The following RCOR1 variants were observed in gnomAD, a reference collection of about 807,000 sequenced individuals.
The protein encoded by RCOR1 is REST corepressor 1.
In RCOR1, 12 loss-of-function variants were observed where a neutral mutation model predicts 64.0. The ratio of observed to expected loss-of-function variants is 0.19; its 90% CI spans 0.12 to 0.30. The LOEUF is 0.30. Among genes scored for constraint, RCOR1 ranks in the 10% least tolerant of loss-of-function variants. The pLI, the probability that RCOR1 is intolerant of heterozygous loss-of-function variation, is 1.00. For synonymous variants in RCOR1, 279 were observed against 227.2 expected (o/e 1.23, Z -2.05); for missense variants, 502 against 621.2 (o/e 0.81, Z 2.04).
chr14:102,676,829 C>T (rs1408627210), intron 2 of RCOR1, among the ~76,000 whole-genome samples: 3 of 92,902 alleles, frequency 3.2e-5, no homozygotes, highest in African/African-American at 1.1e-4. Context: ...CCTCACCTCC[C>T]GGACGGGGCG....
In RCOR1 at chr14:102,698,849, A is replaced by G. The variant is rs141620821; in HGVS notation, c.446-2429A>G. Among the ~76,000 whole-genome samples, 774 of 152,150 alleles carry G rather than the reference A, an allele frequency of 5.1e-3. 18 individuals carry two copies. Among genetic ancestry groups the G allele is most frequent in the Admixed American group, 0.044 (669 of 15,280 alleles). On this transcript the variant is annotated intron_variant, in intron 3 of 11. Transcript: ENST00000262241. ...CTGACATTTTTTAGAATCTGAGAGCACTTTTATTTGGCATAATCTAATGTA... is the reference window on the plus strand; with the variant it reads ...CTGACATTTTTTAGAATCTGAGAGCGCTTTTATTTGGCATAATCTAATGTA...
intron 2 of RCOR1, among the ~76,000 whole-genome samples, chr14:102,664,198 T>A (rs1156875878): frequency 6.6e-6 from 1 of 152,164 alleles, no homozygotes; most frequent in Non-Finnish European, 1.5e-5. Context: ...CTCCGCCTCC[T>A]GGGTTCAAGT....
At chr14:102,662,149 A>G (rs1460363514) in intron 2 of RCOR1, 1 of 378,202 alleles carries the variant, frequency 2.6e-6, no homozygotes, top group East Asian at 6.7e-5. Context: ...TTCCCAAGTC[A>G]TTAAATGTAC....
In RCOR1 at chr14:102,728,133, A is replaced by G. The variant is rs1483119423; in HGVS notation, c.*1627A>G. On this transcript the variant is annotated 3_prime_UTR_variant, in exon 12 of 12. Transcript: ENST00000262241. ...AAGTCAGCTGATTTTCTCTTTAGAA[A>G]GAGGGTCAGCTAGAAACCTAGGTTT... 1 of 152,372 alleles carries G rather than the reference A, an allele frequency of 6.6e-6. No individual in the cohort carries two copies. Among genetic ancestry groups the G allele is most frequent in the Non-Finnish European group, 1.5e-5 (1 of 68,048 alleles). The allele number at this position is 152,372 out of a possible 1,614,324, so 9.4% of individuals were successfully genotyped here. A position where few individuals can be genotyped will look rare whatever the true frequency, so the allele number is the denominator to read the frequency against.
chr14:102,631,369 AT>A (rs34740338), intron 2 of RCOR1, among the ~76,000 whole-genome samples: 224 of 143,600 alleles, frequency 1.6e-3, no homozygotes, highest in Middle Eastern at 3.6e-3. Flanking sequence ...TGCCCAGCTA[AT>A]TTTTTTTTTT....
chr14:102,615,740 C>A (rs148131582), intron 2 of RCOR1, among the ~76,000 whole-genome samples: 3 of 152,124 alleles, frequency 2.0e-5, no homozygotes. Flanking sequence ...TGAGCCACCA[C>A]GCCTGGCCAT....
intron 2 of RCOR1, among the ~76,000 whole-genome samples, chr14:102,665,330 TAAA>T (rs1567428160): frequency 4.2e-5 from 6 of 142,014 alleles, no homozygotes; most frequent in African/African-American, 1.8e-4. Context: ...TTTTTTTTTT[TAAA>T]TAAAATAGGC....
chr14:102,720,524 G>T (rs1896152294), intron 8 of RCOR1, among the ~76,000 whole-genome samples: 1 of 152,208 alleles, frequency 6.6e-6, no homozygotes, highest in Admixed American at 6.5e-5. Context: ...CTATGCTTGT[G>T]CACTTCTGCC....
intron 1 of RCOR1, 33 bp downstream of exon 1, chr14:102,593,220 C>T: frequency 6.8e-7 from 1 of 1,476,744 alleles, no homozygotes; most frequent in African/African-American, 1.5e-5. Context: ...GCCCCGGGCC[C>T]CGCGCCCCGC....
chr14:102,608,765 A>G (rs753922187), intron 2 of RCOR1, among the ~76,000 whole-genome samples: 2 of 149,258 alleles, frequency 1.3e-5, no homozygotes, highest in Non-Finnish European at 3.0e-5. Flanking sequence ...GGGTTTGTTT[A>G]TGTTGGCCAG....
At chr14:102,616,248 GTA>G (rs1259133703) in intron 2 of RCOR1, among the ~76,000 whole-genome samples, 10 of 149,722 alleles carry the variant, frequency 6.7e-5, no homozygotes, top group African/African-American at 1.5e-4. Context: ...GTGTGTGTGT[GTA>G]TGTGTGTGTG....
intron 2 of RCOR1, among the ~76,000 whole-genome samples, chr14:102,644,540 C>T (rs931391098): frequency 6.6e-6 from 1 of 152,200 alleles, no homozygotes; most frequent in Non-Finnish European, 1.5e-5. Flanking sequence ...CACCCTCTCC[C>T]ATCACATCGC....
intron 2 of RCOR1, among the ~76,000 whole-genome samples, chr14:102,680,156 T>G (rs1462542429): frequency 6.6e-6 from 1 of 152,168 alleles, no homozygotes; most frequent in Non-Finnish European, 1.5e-5. Flanking sequence ...CTAATGATCT[T>G]TAATTTTGAT....
At chr14:102,626,972 A>G (rs949402845) in intron 2 of RCOR1, among the ~76,000 whole-genome samples, 6 of 152,182 alleles carry the variant, frequency 3.9e-5, no homozygotes, top group African/African-American at 1.4e-4. Context: ...CACAGTCATG[A>G]TTACCAAGAC....
intron 2 of RCOR1, among the ~76,000 whole-genome samples, chr14:102,625,775 G>A (rs1011187381): frequency 2.0e-5 from 3 of 152,124 alleles, no homozygotes; most frequent in African/African-American, 7.2e-5. Context: ...AAGGGAAGTA[G>A]GTAGTTTCTA....
Position 102,710,958 on chromosome 14 carries a change from A to G in RCOR1, c.803A>G (p.Asn268Ser). Residue 268 changes from asparagine to serine, a missense_variant, in exon 7 of 12, where the codon AAT becomes AGT. Asn to Ser is a conservative substitution (Grantham distance 46). Transcript: ENST00000262241. ...AGCGAGGATGAACTGGAAGAGGCAA[A>G]TGGAAACAATCCCATTGACATTGAG... ...EESEDELEEA[N>S]GNNPIDIEVD... is the part of the protein sequence containing the mutation. 1 of 1,608,352 alleles carries G rather than the reference A, an allele frequency of 6.2e-7. No homozygotes were observed. Among genetic ancestry groups the G allele is most frequent in the Non-Finnish European group, 8.5e-7 (1 of 1,178,782 alleles).
At chr14:102,627,656 T>TA (rs533375860) in intron 2 of RCOR1, among the ~76,000 whole-genome samples, 2,443 of 140,116 alleles carry the variant, frequency 0.017, 24 homozygotes, top group Admixed American at 0.026. Flanking sequence ...GACTCTGTCT[T>TA]AAAAAAAAAA....
At chr14:102,705,859 T>C (rs1459978605) in intron 4 of RCOR1, among the ~76,000 whole-genome samples, 1 of 151,864 alleles carries the variant, frequency 6.6e-6, no homozygotes, top group Non-Finnish European at 1.5e-5. Flanking sequence ...CTGGATGTGG[T>C]GGCTCACACC....
chr14:102,697,997 T>C (rs1159615174), intron 3 of RCOR1, among the ~76,000 whole-genome samples: 1 of 152,136 alleles, frequency 6.6e-6, no homozygotes, highest in African/African-American at 2.4e-5. Flanking sequence ...CTGGGATTAC[T>C]GGCATGAGCC....
Sources: gnomAD v4.1 joint callset for allele counts (sites outside exome capture counted in the v4.1 genomes callset) on GRCh38, gnomAD v4.1.1 for gene constraint, MANE v1.5 for transcripts, NCBI Gene and HGNC (gene_info 2026-07-23, HGNC 2026-07-21) for gene names.